Variants in PLPPR4 observed in about 807,000 individuals in gnomAD.
PLPPR4 encodes the protein phospholipid phosphatase related 4, also known as phospholipid phosphatase-related protein type 4.
Under a neutral mutation model 56.6 loss-of-function variants are expected in PLPPR4, and 24 were observed. The ratio of observed to expected loss-of-function variants is 0.42; its 90% CI spans 0.31 to 0.60. The LOEUF is 0.60. PLPPR4 is among the 20% of genes least tolerant of loss of function. PLPPR4 has a pLI of 0.13. For synonymous variants in PLPPR4, 326 were observed against 328.1 expected, an observed-to-expected ratio of 0.99 and a Z score of 0.07; for missense variants, 654 against 885.8, an observed-to-expected ratio of 0.74 and a Z score of 3.32.
intron 1 of PLPPR4, among the ~76,000 whole-genome samples, chr1:99,276,550 C>A (rs1015988890): frequency 6.6e-6 from 1 of 151,946 alleles, no homozygotes; most frequent in African/African-American, 2.4e-5. Flanking sequence ...CAATTTAAAT[C>A]TCAAAATCAG....
intron 3 of PLPPR4, among the ~76,000 whole-genome samples, chr1:99,297,621 T>C (rs751946931): frequency 2.6e-5 from 4 of 152,158 alleles, no homozygotes; most frequent in African/African-American, 9.7e-5. Context: ...CTCAAAATAA[T>C]TGATGGCTTT....
chr1:99,305,622 C>G (rs1660001824), intron 6 of PLPPR4, 63 bp from the exon 7 acceptor site: 1 of 1,537,714 alleles, frequency 6.5e-7, no homozygotes, highest in East Asian at 2.2e-5. Flanking sequence ...AGTGGGTACT[C>G]TAAGGAAACC....
intron 1 of PLPPR4, among the ~76,000 whole-genome samples, chr1:99,273,743 C>T (rs547130577): frequency 4.9e-4 from 74 of 152,096 alleles, no homozygotes; most frequent in African/African-American, 1.7e-3. Flanking sequence ...GCATACTTTC[C>T]GGTCTATAGT....
intron 1 of PLPPR4, among the ~76,000 whole-genome samples, chr1:99,271,360 C>T: frequency 6.6e-6 from 1 of 152,142 alleles, no homozygotes; most frequent in East Asian, 1.9e-4. Flanking sequence ...GATTTCAGAG[C>T]TTGTCCATCT....
intron 4 of PLPPR4, among the ~76,000 whole-genome samples, chr1:99,300,012 G>A (rs999282599): frequency 6.6e-6 from 1 of 151,860 alleles, no homozygotes; most frequent in Non-Finnish European, 1.5e-5. Flanking sequence ...TAAGTTAATA[G>A]GTACACCTGA....
intron 5 of PLPPR4, among the ~76,000 whole-genome samples, chr1:99,301,296 C>T (rs980656918): frequency 4.6e-5 from 7 of 151,342 alleles, no homozygotes; most frequent in Non-Finnish European, 5.9e-5. Flanking sequence ...AGACATACAA[C>T]GTGCACACAC....
Position 99,306,219 on chromosome 1 carries a change from T to G in PLPPR4, c.1357T>G (p.Tyr453Asp). 6.2e-7 allele frequency: 1 copy of G among 1,614,094 alleles called. No homozygotes were observed. The highest frequency in any genetic ancestry group is 8.5e-7 in the Non-Finnish European group (1 of 1,180,012). Residue 453 changes from tyrosine to aspartate, a missense_variant, in exon 7 of 7, where the codon TAC (tyrosine) becomes GAC (aspartate). Transcript: ENST00000370185. This position sits in a 1 kb window ranked among gnomAD's most constrained non-coding sequence, Gnocchi z 4.0. ...NGDHHGPGNQ[Y>D]LKIQPGAVPG... ...AGACCACCATGGTCCTGGCAATCAGTACCTCAAAATCCAGCCTGGCGCTGT... is the reference window on the plus strand; with the variant it reads ...AGACCACCATGGTCCTGGCAATCAGGACCTCAAAATCCAGCCTGGCGCTGT...
intron 1 of PLPPR4, among the ~76,000 whole-genome samples, chr1:99,277,785 A>G (rs1659228397): frequency 6.6e-6 from 1 of 152,082 alleles, no homozygotes; most frequent in Non-Finnish European, 1.5e-5. Context: ...GTTATGAGTG[A>G]GTATGAGCTT....
intron 1 of PLPPR4, among the ~76,000 whole-genome samples, chr1:99,285,361 A>G (rs929388220): frequency 1.3e-5 from 2 of 152,170 alleles, no homozygotes; most frequent in Admixed American, 1.3e-4. Flanking sequence ...ATTAATACTT[A>G]AATATATTTA....
intron 6 of PLPPR4, among the ~76,000 whole-genome samples, chr1:99,305,404 C>A (rs936311566): frequency 3.3e-5 from 5 of 152,102 alleles, no homozygotes; most frequent in African/African-American, 1.2e-4. Context: ...CTCTTGTCTG[C>A]TTTTTCTTCT....
Position 99,299,225 on chromosome 1 carries a change from T to C in PLPPR4, c.585T>C (p.Ser195=). ...GATCTGACCTCACAGTTATCAACAG[T>C]GGCAGGTTAGAAACAGATCTAAAAA... ...CSGSDLTVIN[S]GRKSFPSQHA... is the part of the protein sequence containing the mutation. The change falls in exon 4 of 7, where the codon AGT becomes AGC. Residue 195 remains serine (S), a synonymous_variant. Coordinates refer to ENST00000370185, the MANE Select transcript of PLPPR4 (RefSeq NM_014839.5). 1 of 1,611,848 alleles carries C rather than the reference T, an allele frequency of 6.2e-7. No homozygotes were observed. Among genetic ancestry groups the C allele is most frequent in the Non-Finnish European group, 8.5e-7 (1 of 1,178,480 alleles).
intron 1 of PLPPR4, among the ~76,000 whole-genome samples, chr1:99,270,578 T>A (rs1659031484): frequency 6.6e-6 from 1 of 152,254 alleles, no homozygotes; most frequent in Admixed American, 6.5e-5. Context: ...TTGGAAAGTG[T>A]CCACAGGTTT....
At chr1:99,289,657 T>C (rs1462484040) in intron 2 of PLPPR4, among the ~76,000 whole-genome samples, 1 of 152,000 alleles carries the variant, frequency 6.6e-6, no homozygotes. Context: ...TATACAGTCA[T>C]TTTACCAGGG....
chr1:99,292,194 G>C (rs987435788), intron 2 of PLPPR4, among the ~76,000 whole-genome samples: 5 of 152,006 alleles, frequency 3.3e-5, no homozygotes, highest in Non-Finnish European at 7.4e-5. Context: ...TTATCAAGTT[G>C]CTAGGAAAGC....
intron 1 of PLPPR4, among the ~76,000 whole-genome samples, chr1:99,284,589 A>G (rs967751027): frequency 6.6e-6 from 1 of 151,866 alleles, no homozygotes; most frequent in Non-Finnish European, 1.5e-5. Context: ...AGAAAAAAAG[A>G]TTCTTATTAG....
chr1:99,305,354 AT>A lies in PLPPR4; in HGVS notation c.823-330del, dbSNP rs1443096660. ...ACAAGAAGTTCCTAAATCCAGAAAA[AT>A]GAATTGCTTTGAAAAGCAGAAAAAA... On this transcript the variant is annotated intron_variant, in intron 6 of 6. Coordinates refer to ENST00000370185, the MANE Select transcript of PLPPR4 (RefSeq NM_014839.5). 7.2e-5 allele frequency among the ~76,000 whole-genome samples: 11 copies of A among 152,332 alleles called. No individual in the cohort carries two copies. In the East Asian group the frequency reaches 2.1e-3, roughly 29 times the overall value.
chr1:99,263,113 T>G (rs973132540), upstream of PLPPR4, among the ~76,000 whole-genome samples: 3 of 152,148 alleles, frequency 2.0e-5, no homozygotes, highest in Admixed American at 1.3e-4. Flanking sequence ...GGAAAATGGC[T>G]GGACAGAAAA....
At chr1:99,291,252 C>G (rs1659613437) in intron 2 of PLPPR4, among the ~76,000 whole-genome samples, 1 of 152,138 alleles carries the variant, frequency 6.6e-6, no homozygotes, top group African/African-American at 2.4e-5. Flanking sequence ...TATCTCACAC[C>G]AGTCAAAATG....
Position 99,275,336 on chromosome 1 carries a change from T to C in PLPPR4, c.78+10665T>C, listed in dbSNP as rs115007627. On this transcript the variant is annotated intron_variant, in intron 1 of 6. Transcript: ENST00000370185. ...AGAAAAATTATTTGATGGTGTTACA[T>C]CTTTCAATATTTCAGTCTCAGACTA... Among the ~76,000 whole-genome samples, 635 of 152,322 alleles carry C rather than the reference T, an allele frequency of 4.2e-3. 3 individuals carry two copies. The highest frequency in any genetic ancestry group is 0.015 in the African/African-American group (605 of 41,582).
Sources: allele counts gnomAD v4.1 joint callset (sites outside exome capture counted in the v4.1 genomes callset), GRCh38; gene constraint gnomAD v4.1.1; non-coding constraint Gnocchi (gnomAD v3.1); transcripts MANE v1.5; gene names NCBI Gene and HGNC (gene_info 2026-07-23, HGNC 2026-07-21).